KIAA1217: variants seen among roughly 807,000 people sequenced by gnomAD.
The protein encoded by KIAA1217 is KIAA1217, also known as sickle tail protein homolog.
KIAA1217 carries 88 observed loss-of-function variants against 163.9 expected under a neutral mutation model. The observed-to-expected ratio is 0.54, with a 90% CI of 0.45 to 0.64. KIAA1217 has a LOEUF of 0.64. KIAA1217 is among the 30% of genes least tolerant of loss of function. The pLI is 0.00. For synonymous variants in KIAA1217, 903 were observed against 923.1 expected (o/e 0.98, Z 0.39); for missense variants, 2,372 against 2,475.0 (o/e 0.96, Z 0.88).
intron 1 of KIAA1217, among the ~76,000 whole-genome samples, chr10:23,946,336 G>T (rs1844043166): frequency 6.6e-6 from 1 of 150,512 alleles, no homozygotes. Context: ...GAGCTATTTG[G>T]CATATAGGAA....
At chr10:23,789,220 G>C (rs1164587733) in intron 1 of KIAA1217, among the ~76,000 whole-genome samples, 1 of 152,102 alleles carries the variant, frequency 6.6e-6, no homozygotes, top group African/African-American at 2.4e-5. Flanking sequence ...TTAGAGGCTT[G>C]TGTTGGTGAC....
chr10:24,341,801 T>G (rs2047136923), intron 2 of KIAA1217, among the ~76,000 whole-genome samples: 1 of 152,136 alleles, frequency 6.6e-6, no homozygotes, highest in Non-Finnish European at 1.5e-5. Context: ...TTCCAATCTC[T>G]TAAATGTAGG....
At chr10:23,874,816 T>C (rs1184038552) in intron 1 of KIAA1217, among the ~76,000 whole-genome samples, 2 of 151,970 alleles carry the variant, frequency 1.3e-5, no homozygotes, top group African/African-American at 4.8e-5. Context: ...ACAGAAAGGG[T>C]ATTTGTCTTT....
chr10:24,454,562 G>T (rs1031426403), intron 5 of KIAA1217, among the ~76,000 whole-genome samples: 2 of 152,194 alleles, frequency 1.3e-5, no homozygotes, highest in African/African-American at 4.8e-5. Context: ...GGCCTGATCT[G>T]TAGGGTGCTT....
intron 9 of KIAA1217, among the ~76,000 whole-genome samples, chr10:24,510,599 T>C (rs1201983803): frequency 6.6e-6 from 1 of 152,184 alleles, no homozygotes; most frequent in Non-Finnish European, 1.5e-5. Context: ...ACCCATTTAA[T>C]TATCTACTCA....
chr10:24,015,611 C>A (rs999131614), intron 2 of KIAA1217, among the ~76,000 whole-genome samples: 114 of 151,982 alleles, frequency 7.5e-4, no homozygotes, highest in African/African-American at 2.6e-3. Flanking sequence ...CAGAACTTAG[C>A]AAGGCATGGT....
At chr10:24,342,908 C>T (rs2047278985) in intron 2 of KIAA1217, among the ~76,000 whole-genome samples, 1 of 152,138 alleles carries the variant, frequency 6.6e-6, no homozygotes, top group Admixed American at 6.5e-5. Flanking sequence ...CCGCCGACCT[C>T]TGCCTCCAAA....
intron 1 of KIAA1217, among the ~76,000 whole-genome samples, chr10:23,751,451 T>G (rs1265231504): frequency 6.6e-6 from 1 of 152,230 alleles, no homozygotes; most frequent in Non-Finnish European, 1.5e-5. Context: ...CTGAAGCATT[T>G]TTGAAAGTAT....
intron 1 of KIAA1217, among the ~76,000 whole-genome samples, chr10:23,941,456 T>C (rs1475039661): frequency 6.6e-6 from 1 of 152,148 alleles, no homozygotes; most frequent in Non-Finnish European, 1.5e-5. Flanking sequence ...TGGGACCACA[T>C]TGAATCGGAC....
intron 2 of KIAA1217, among the ~76,000 whole-genome samples, chr10:24,280,045 C>T (rs16924463): frequency 0.018 from 2,748 of 152,220 alleles, 47 homozygotes; most frequent in Middle Eastern, 0.027. Flanking sequence ...AATGGGATGG[C>T]GTGCTTAGGC....
chr10:24,157,307 A>G (rs1377800186), intron 2 of KIAA1217, among the ~76,000 whole-genome samples: 2 of 152,160 alleles, frequency 1.3e-5, no homozygotes, highest in Non-Finnish European at 2.9e-5. Context: ...AGATGTATCC[A>G]TAGAAATCCC....
chr10:24,301,223 G>T lies in KIAA1217; in HGVS notation c.355-79646G>T, dbSNP rs981667632. 5.9e-5 allele frequency among the ~76,000 whole-genome samples: 9 copies of T among 152,000 alleles called. 1 individual carries two copies. The South Asian group carries it at 1.9e-3, about 31-fold the overall frequency. ...GCTCTCACATTTCTCTTTAGTCTTG[G>T]CATCTTCAAGTTAGAACCAGGTCAT... On this transcript the variant is annotated intron_variant, in intron 2 of 20. Coordinates refer to ENST00000376454, the MANE Select transcript of KIAA1217 (RefSeq NM_019590.5).
chr10:23,803,882 CACAT>C (rs561199744), intron 1 of KIAA1217, among the ~76,000 whole-genome samples: 253 of 152,002 alleles, frequency 1.7e-3, no homozygotes, highest in South Asian at 0.011. Context: ...TATGCACACA[CACAT>C]ACACACACAC....
chr10:23,733,039 A>G (rs2130792046), intron 1 of KIAA1217, among the ~76,000 whole-genome samples: 1 of 150,996 alleles, frequency 6.6e-6, no homozygotes, highest in Non-Finnish European at 1.5e-5. Flanking sequence ...TTTGAACCCT[A>G]GTCTCACTCT....
intron 1 of KIAA1217, among the ~76,000 whole-genome samples, chr10:23,853,002 T>A (rs1013471004): frequency 2.6e-5 from 4 of 152,240 alleles, no homozygotes; most frequent in African/African-American, 9.6e-5. Context: ...GAATACCCTT[T>A]ATTTCCTTCT....
intron 1 of KIAA1217, among the ~76,000 whole-genome samples, chr10:23,903,275 T>C (rs1294850601): frequency 1.3e-5 from 2 of 152,106 alleles, no homozygotes; most frequent in African/African-American, 2.4e-5. Context: ...GATTCTATAA[T>C]AGATATTTTT....
At chr10:24,313,566 A>G (rs1276188944) in intron 2 of KIAA1217, among the ~76,000 whole-genome samples, 3 of 152,160 alleles carry the variant, frequency 2.0e-5, no homozygotes, top group Non-Finnish European at 4.4e-5. Flanking sequence ...TACAGTTTGT[A>G]GGAAACTCTT....
intron 1 of KIAA1217, among the ~76,000 whole-genome samples, chr10:23,978,533 C>CCTGG (rs1401295025): frequency 6.6e-6 from 1 of 152,040 alleles, no homozygotes; most frequent in East Asian, 1.9e-4. Flanking sequence ...TTCGTATGAC[C>CCTGG]CTGGCCCTTT....
At chr10:24,315,531 A>G (rs189094434) in intron 2 of KIAA1217, among the ~76,000 whole-genome samples, 13 of 152,276 alleles carry the variant, frequency 8.5e-5, no homozygotes, top group Non-Finnish European at 1.5e-4. Context: ...ACTTCTTGAC[A>G]TAGCCCATCA....
Sources: gnomAD v4.1 joint callset for allele counts (sites outside exome capture counted in the v4.1 genomes callset) on GRCh38, gnomAD v4.1.1 for gene constraint, MANE v1.5 for transcripts, NCBI Gene and HGNC (gene_info 2026-07-23, HGNC 2026-07-21) for gene names.